ZHX2: variants seen among roughly 807,000 people sequenced by gnomAD.
ZHX2 encodes zinc fingers and homeoboxes 2.
A neutral mutation model predicts 21.9 loss-of-function variants in ZHX2; 6 were observed. The ratio of observed to expected loss-of-function variants is 0.27; its 90% CI spans 0.15 to 0.54. ZHX2 has a LOEUF of 0.54. ZHX2 is among the 20% of genes least tolerant of loss of function. ZHX2 has a pLI of 0.95. For missense variants in ZHX2, 908 were observed against 1,090.7 expected, an observed-to-expected ratio of 0.83 and a Z score of 2.36; for synonymous variants, 434 against 437.1, an observed-to-expected ratio of 0.99 and a Z score of 0.09.
intron 1 of ZHX2, among the ~76,000 whole-genome samples, chr8:122,854,262 C>T (rs1356100770): frequency 1.3e-5 from 2 of 152,196 alleles, no homozygotes. Context: ...GATTCAAATC[C>T]AAGGACTTGT....
chr8:122,918,974 A>G (rs1385714451), intron 2 of ZHX2, among the ~76,000 whole-genome samples: 1 of 151,918 alleles, frequency 6.6e-6, no homozygotes, highest in African/African-American at 2.4e-5. Flanking sequence ...CTTTATTTAC[A>G]AAAACAGGAG....
intron 1 of ZHX2, among the ~76,000 whole-genome samples, chr8:122,797,018 G>T (rs749696936): frequency 6.6e-6 from 1 of 152,134 alleles, no homozygotes; most frequent in Non-Finnish European, 1.5e-5. Context: ...TTCACTTAAC[G>T]ATCCTCAATA....
chr8:122,865,541 T>A (rs1033349745), intron 2 of ZHX2, among the ~76,000 whole-genome samples: 7 of 152,178 alleles, frequency 4.6e-5, no homozygotes, highest in African/African-American at 1.4e-4. Flanking sequence ...AATATAGTGA[T>A]GAGGAGGCAG....
intron 1 of ZHX2, among the ~76,000 whole-genome samples, chr8:122,855,079 T>C (rs1818997151): frequency 6.6e-6 from 1 of 152,222 alleles, no homozygotes; most frequent in South Asian, 2.1e-4. Context: ...AGGGTCAGAC[T>C]GGGTGGAATC....
intron 1 of ZHX2, among the ~76,000 whole-genome samples, chr8:122,799,579 G>A (rs1817677668): frequency 6.6e-6 from 1 of 152,156 alleles, no homozygotes; most frequent in African/African-American, 2.4e-5. Flanking sequence ...CTGGAATTTT[G>A]TTCCCAGAAA....
chr8:122,953,193 G>C lies in ZHX2; in HGVS notation c.1683G>C (p.Arg561=), dbSNP rs1271271432. ...TTCCTACCCAAGCAGAACTGGATCG[G>C]CTAAGGGTGGAGACCAAGCTGAGCA... The part of the protein sequence containing the change: ...SSFPTQAELD[R]LRVETKLSRR... The change falls in exon 3 of 4, where the codon CGG becomes CGC. Residue 561 remains arginine, a synonymous_variant. Coordinates refer to ENST00000314393, the MANE Select transcript of ZHX2 (RefSeq NM_014943.5). The surrounding 1 kb of genome is among the most constrained non-coding windows in gnomAD (Gnocchi z 4.6). The C allele has an allele frequency of 6.2e-7, 1 of 1,613,874 alleles. No individual in the cohort carries two copies. Among genetic ancestry groups the C allele is most frequent in the South Asian group, 1.1e-5 (1 of 91,066 alleles).
intron 1 of ZHX2, among the ~76,000 whole-genome samples, chr8:122,803,994 C>T (rs1432683585): frequency 1.3e-5 from 2 of 152,158 alleles, no homozygotes; most frequent in Admixed American, 1.3e-4. Flanking sequence ...TGGTGCCTGG[C>T]AAGGACTCAG....
chr8:122,925,875 G>A (rs1820837092), intron 2 of ZHX2, among the ~76,000 whole-genome samples: 2 of 152,182 alleles, frequency 1.3e-5, no homozygotes, highest in Admixed American at 6.5e-5. Context: ...CAGGGACAGA[G>A]TGGAAGGGTG....
chr8:122,890,828 AT>A (rs1819958045), intron 2 of ZHX2, among the ~76,000 whole-genome samples: 1 of 152,140 alleles, frequency 6.6e-6, no homozygotes, highest in South Asian at 2.1e-4. Context: ...ACTTTACTAA[AT>A]TCATTTGTCA....
In ZHX2 at chr8:122,782,242, C is replaced by CGAG. The variant is rs779296945; in HGVS notation, c.-283+317_-283+319dup. Among the ~76,000 whole-genome samples the CGAG allele has an allele frequency of 1.1e-4, 16 of 150,614 alleles. No individual in the cohort carries two copies. The highest frequency in any genetic ancestry group is 5.8e-4 in the East Asian group (3 of 5,144). On this transcript the variant is annotated intron_variant, in intron 1 of 3. Transcript: ENST00000314393. This position sits in a 1 kb window ranked among gnomAD's most constrained non-coding sequence, Gnocchi z 5.3. The stretch of plus-strand genomic sequence containing the variant: ...AAGTTTGGATAAATGGGAGCCAGAG[C>CGAG]GAGGAGGAGGAGGAGGAGGAGGAAA...
At chr8:122,817,205 A>C (rs1320711486) in intron 1 of ZHX2, among the ~76,000 whole-genome samples, 1 of 152,216 alleles carries the variant, frequency 6.6e-6, no homozygotes. Context: ...GAGTACTCAC[A>C]GTGTTAGATT....
intron 1 of ZHX2, among the ~76,000 whole-genome samples, chr8:122,847,182 G>A (rs1818770684): frequency 6.6e-6 from 1 of 152,170 alleles, no homozygotes. Flanking sequence ...TGCACAGGAA[G>A]CCTCCTGCCA....
At chr8:122,809,965 T>A (rs866518676) in intron 1 of ZHX2, among the ~76,000 whole-genome samples, 55 of 152,180 alleles carry the variant, frequency 3.6e-4, no homozygotes, top group African/African-American at 1.2e-3. Flanking sequence ...GGAGGGCTAC[T>A]TTTCATTAGA....
chr8:122,827,199 A>T (rs1346280959), intron 1 of ZHX2, among the ~76,000 whole-genome samples: 1 of 151,740 alleles, frequency 6.6e-6, no homozygotes, highest in Admixed American at 6.6e-5. Flanking sequence ...TTGGGGATTT[A>T]TTTGTTTGTT....
At chr8:122,847,884 G>T (rs1444563698) in intron 1 of ZHX2, among the ~76,000 whole-genome samples, 1 of 152,178 alleles carries the variant, frequency 6.6e-6, no homozygotes, top group Non-Finnish European at 1.5e-5. Context: ...CAGTTGAGGG[G>T]AGACAGGCAG....
chr8:122,884,762 G>T (rs1178400929), intron 2 of ZHX2, among the ~76,000 whole-genome samples: 2 of 152,176 alleles, frequency 1.3e-5, no homozygotes, highest in Non-Finnish European at 2.9e-5. Flanking sequence ...GAGCATGTGA[G>T]CCCGGTCCAG....
chr8:122,947,796 C>G (rs1339075682), intron 2 of ZHX2, among the ~76,000 whole-genome samples: 2 of 150,414 alleles, frequency 1.3e-5, no homozygotes, highest in Non-Finnish European at 3.0e-5. Context: ...GACAGAGCCA[C>G]TGGAGTGTGA....
chr8:122,784,563 G>A (rs562597549), intron 1 of ZHX2, among the ~76,000 whole-genome samples: 3 of 152,174 alleles, frequency 2.0e-5, no homozygotes, highest in South Asian at 4.1e-4. Context: ...CCTGAGGTCC[G>A]AACTTCAGAA....
chr8:122,861,086 T>C (rs955499320), intron 1 of ZHX2, among the ~76,000 whole-genome samples: 5 of 144,294 alleles, frequency 3.5e-5, no homozygotes, highest in African/African-American at 1.3e-4. Flanking sequence ...TGGTCTAACA[T>C]GGCCTTTGCA....
Sources: gnomAD v4.1 joint callset for allele counts (sites outside exome capture counted in the v4.1 genomes callset) on GRCh38, gnomAD v4.1.1 for gene constraint, Gnocchi (gnomAD v3.1) non-coding constraint, MANE v1.5 for transcripts, NCBI Gene and HGNC (gene_info 2026-07-23, HGNC 2026-07-21) for gene names.